Variants in LIMD1 observed in about 807,000 individuals in gnomAD.
LIMD1 encodes LIM domain-containing protein 1.
A neutral mutation model predicts 58.4 loss-of-function variants in LIMD1; 23 were observed. The observed-to-expected ratio is 0.39, with a 90% confidence interval of 0.28 to 0.56. The LOEUF (loss-of-function observed/expected upper bound fraction) is 0.56. Among genes scored for constraint, LIMD1 ranks in the 20% least tolerant of loss-of-function variants. The pLI, the probability that LIMD1 is intolerant of heterozygous loss-of-function variation, is 0.57. For synonymous variants in LIMD1, 334 were observed against 345.5 expected (o/e 0.97, Z 0.37); for missense variants, 838 against 855.5 (o/e 0.98, Z 0.25).
intron 3 of LIMD1, among the ~76,000 whole-genome samples, chr3:45,665,923 C>T (rs896841846): frequency 1.2e-4 from 18 of 152,192 alleles, no homozygotes; most frequent in Admixed American, 3.9e-4. Flanking sequence ...ACTGTGGGGT[C>T]ACTTGGCTAT....
At chr3:45,672,522 T>A (rs1697598647) in intron 4 of LIMD1, among the ~76,000 whole-genome samples, 168 bp from the exon 5 acceptor site, 1 of 152,142 alleles carries the variant, frequency 6.6e-6, no homozygotes, top group Non-Finnish European at 1.5e-5. Context: ...CTAAACAGAT[T>A]TGCCTTTCCC....
chr3:45,677,411 T>A lies in LIMD1; in HGVS notation c.*352T>A, dbSNP rs572984998. On this transcript the variant is annotated 3_prime_UTR_variant, in exon 8 of 8. Coordinates refer to ENST00000273317, the MANE Select transcript of LIMD1 (RefSeq NM_014240.3). ...CAGAGGGAGAGGTTTTTATTGAGCT[T>A]GTTTCACAATATCCCCTTGAAGGGA... The A allele has an allele frequency of 1.3e-3, 264 of 202,048 alleles. No homozygotes were observed. The highest frequency in any genetic ancestry group is 5.6e-3 in the African/African-American group (243 of 43,506). The allele number at this position is 202,048 out of a possible 1,614,324, so 12.5% of individuals were successfully genotyped here.
At chr3:45,660,437 A>G (rs531847513) in intron 2 of LIMD1, among the ~76,000 whole-genome samples, 1 of 117,812 alleles carries the variant, frequency 8.5e-6, no homozygotes, top group Admixed American at 1.1e-4. Flanking sequence ...TTTTCCCGAG[A>G]CGGAGTCTCT....
At chr3:45,657,541 A>G (rs1369091362) in intron 2 of LIMD1, among the ~76,000 whole-genome samples, 5 of 151,520 alleles carry the variant, frequency 3.3e-5, no homozygotes, top group Admixed American at 1.3e-4. Flanking sequence ...AAAAAAAAAA[A>G]AAAGGAAAAA....
chr3:45,605,713 C>T (rs189744470), intron 1 of LIMD1, among the ~76,000 whole-genome samples: 37 of 152,338 alleles, frequency 2.4e-4, no homozygotes, highest in Admixed American at 1.2e-3. Context: ...GATCACCAAC[C>T]CTGCAGGCCT....
At chr3:45,638,025 G>A (rs922518105) in intron 2 of LIMD1, among the ~76,000 whole-genome samples, 4 of 86 alleles carry the variant, frequency 0.047, no homozygotes, top group African/African-American at 0.18. Flanking sequence ...AATATTGATG[G>A]TACAACACAT....
chr3:45,646,436 A>G (rs1246981147), intron 2 of LIMD1, among the ~76,000 whole-genome samples: 2 of 152,152 alleles, frequency 1.3e-5, no homozygotes, highest in African/African-American at 4.8e-5. Context: ...AGTGGGCCTC[A>G]CCACCAGCCC....
chr3:45,667,078 T>C (rs1697530185), intron 3 of LIMD1, among the ~76,000 whole-genome samples: 1 of 152,222 alleles, frequency 6.6e-6, no homozygotes, highest in Admixed American at 6.5e-5. Flanking sequence ...AGCTTCAGTC[T>C]CAGGTCCTAT....
intron 2 of LIMD1, among the ~76,000 whole-genome samples, chr3:45,653,636 G>A (rs1006823418): frequency 1.3e-5 from 2 of 152,210 alleles, no homozygotes; most frequent in Non-Finnish European, 2.9e-5. Context: ...GGGGCTGGGT[G>A]TTGTGGCCTA....
intron 2 of LIMD1, among the ~76,000 whole-genome samples, chr3:45,656,880 A>G (rs952053002): frequency 7.2e-5 from 11 of 152,204 alleles, no homozygotes; most frequent in African/African-American, 2.7e-4. Flanking sequence ...AAATGACTCA[A>G]GCAGGCCTCC....
rs775938187 is a variant in LIMD1 at position 45,674,358 on chromosome 3, A to C, written c.1840A>C (p.Ile614Leu). The change falls in exon 7 of 8, where the codon ATC becomes CTC. Residue 614 changes from isoleucine to leucine, a missense_variant. Physicochemically the swap from Ile to Leu is conservative, Grantham distance 5. This residue lies in a region of LIMD1 where 174 missense variants were observed against 197.4 expected (regional missense o/e 0.88). Transcript: ENST00000273317. ...ILPPEGSDETIRVVSMDRDYH... is the reference protein window; with the variant it reads ...ILPPEGSDETLRVVSMDRDYH... The stretch of plus-strand genomic sequence containing the variant: ...CTGGTCCCAGGGCTCAGATGAGACC[A>C]TCCGTGTCGTGTCCATGGACAGAGA... 1.2e-6 allele frequency: 2 copies of C among 1,613,726 alleles called. No individual in the cohort carries two copies. The highest frequency in any genetic ancestry group is 3.3e-5 in the Admixed American group (2 of 59,992).
At chr3:45,660,405 C>CTTTT (rs869301368) in intron 2 of LIMD1, among the ~76,000 whole-genome samples, 7 of 80,008 alleles carry the variant, frequency 8.7e-5, no homozygotes, top group African/African-American at 1.4e-4. Context: ...GGTGGGCTGT[C>CTTTT]TTTTTTTTTT....
rs1701327245 is a variant in LIMD1 at position 45,594,941 on chromosome 3, A to G, written c.62A>G (p.Tyr21Cys). The G allele has an allele frequency of 6.2e-7, 1 of 1,613,408 alleles. No individual in the cohort carries two copies. Among genetic ancestry groups the G allele is most frequent in the Non-Finnish European group, 8.5e-7 (1 of 1,179,940 alleles). The change falls in exon 1 of 8, where the codon TAT becomes TGT. Residue 21 changes from tyrosine to cysteine, a missense_variant. By Grantham distance (194) the Tyr-to-Cys change is radical. This residue lies in a region of LIMD1 where 659 missense variants were observed against 639.8 expected (regional missense o/e 1.03). Transcript: ENST00000273317. ...AAATTCATCGAGGACCTGAACATGT[A>G]TGAGGCCTCTAAGGATGGGCTCTTC... is the stretch of plus-strand genomic sequence containing the variant. ...ASKFIEDLNM[Y>C]EASKDGLFRV...
Position 45,595,918 on chromosome 3 carries a change from A to G in LIMD1, c.1039A>G (p.Ser347Gly). ...GGATGGGCCCAAATCTTACCTTTCC[A>G]GTTCTGCCCCGTCATCCTCGCCAGC... ...FQDGPKSYLS[S>G]SAPSSSPAGL... The change falls in exon 1 of 8, where the codon AGT (serine) becomes GGT (glycine). Residue 347 changes from serine to glycine, a missense_variant. Transcript: ENST00000273317. The G allele has an allele frequency of 6.2e-7, 1 of 1,614,114 alleles. No individual in the cohort carries two copies. The highest frequency in any genetic ancestry group is 8.5e-7 in the Non-Finnish European group (1 of 1,180,010).
chr3:45,660,172 T>G lies in LIMD1; in HGVS notation c.1511-5478T>G, dbSNP rs537448048. On this transcript the variant is annotated intron_variant, in intron 2 of 7. Transcript: ENST00000273317. ...CATACATTGGATCAGAAGCCTAAGC[T>G]CTGGAAGTCCTGCGCCGTTTCCTGG... Among the ~76,000 whole-genome samples the G allele has an allele frequency of 2.6e-5, 4 of 152,274 alleles. No homozygotes were observed. In the East Asian group the frequency reaches 7.7e-4, roughly 29 times the overall value.
intron 7 of LIMD1, chr3:45,674,635 T>A (rs1375574799): frequency 4.2e-6 from 2 of 475,782 alleles, no homozygotes; most frequent in Non-Finnish European, 7.7e-6. Flanking sequence ...AACTATCAAG[T>A]CCTGCAACTG....
At chr3:45,601,657 T>C (rs1024012480) in intron 1 of LIMD1, among the ~76,000 whole-genome samples, 2 of 152,222 alleles carry the variant, frequency 1.3e-5, no homozygotes, top group South Asian at 4.1e-4. Flanking sequence ...CCTGCACACT[T>C]AGTTTTGATG....
chr3:45,649,312 C>T lies in LIMD1; in HGVS notation c.1510+13061C>T, dbSNP rs955782738. Among the ~76,000 whole-genome samples the T allele has an allele frequency of 4.6e-5, 7 of 151,870 alleles. No homozygotes were observed. The South Asian group carries it at 6.3e-4, about 14-fold the overall frequency. On this transcript the variant is annotated intron_variant, in intron 2 of 7. Transcript: ENST00000273317. ...ACTTCTCTTAACATTTTTTCTTTTT[C>T]GTATGCTGATTTGGTGATGAATTCT... is the stretch of plus-strand genomic sequence containing the variant.
chr3:45,619,581 C>T (rs1327831162), intron 1 of LIMD1, among the ~76,000 whole-genome samples: 6 of 152,086 alleles, frequency 3.9e-5, no homozygotes, highest in Non-Finnish European at 8.8e-5. Flanking sequence ...GGCAGATCAC[C>T]TGAGGTCAGG....
Sources: allele counts gnomAD v4.1 joint callset (sites outside exome capture counted in the v4.1 genomes callset), GRCh38; gene constraint gnomAD v4.1.1; regional missense constraint gnomAD v4.1.1; transcripts MANE v1.5; gene names NCBI Gene and HGNC (gene_info 2026-07-23, HGNC 2026-07-21).